The following HS6ST3 variants were observed in gnomAD, a reference collection of about 807,000 sequenced individuals.
HS6ST3 encodes the protein heparan sulfate 6-O-sulfotransferase 3.
In HS6ST3, 12 loss-of-function variants were observed where a neutral mutation model predicts 36.7. That is an observed-to-expected ratio of 0.33 (90% confidence interval 0.21 to 0.53). The LOEUF (loss-of-function observed/expected upper bound fraction) is 0.53, where lower values mean the gene tolerates loss of function less well. Ranked by LOEUF, HS6ST3 falls within the 20% of genes least tolerant of loss-of-function variation. The pLI is 0.95. For missense variants in HS6ST3, 584 were observed against 640.9 expected, an observed-to-expected ratio of 0.91 and a Z score of 0.96; for synonymous variants, 240 against 257.5, an observed-to-expected ratio of 0.93 and a Z score of 0.65.
intron 1 of HS6ST3, among the ~76,000 whole-genome samples, chr13:96,359,264 A>G (rs2055225489): frequency 6.6e-6 from 1 of 152,114 alleles, no homozygotes; most frequent in Admixed American, 6.5e-5. Flanking sequence ...AGCTATGATC[A>G]CTTTTTTCAT....
At chr13:96,751,062 T>G (rs939943423) in intron 1 of HS6ST3, among the ~76,000 whole-genome samples, 3 of 152,098 alleles carry the variant, frequency 2.0e-5, no homozygotes, top group Non-Finnish European at 4.4e-5. Context: ...GAATCACACT[T>G]TTTTTTACCC....
chr13:96,788,733 A>T (rs961793459), intron 1 of HS6ST3, among the ~76,000 whole-genome samples: 6 of 151,872 alleles, frequency 4.0e-5, no homozygotes, highest in Non-Finnish European at 7.4e-5. Context: ...ATTTAGGATT[A>T]TTATGAGTCC....
At chr13:96,673,624 C>T (rs2056689427) in intron 1 of HS6ST3, among the ~76,000 whole-genome samples, 1 of 152,044 alleles carries the variant, frequency 6.6e-6, no homozygotes, top group Non-Finnish European at 1.5e-5. Flanking sequence ...AGTCAGTTGT[C>T]GTTTTTCCTG....
At chr13:96,746,006 A>T (rs532292986) in intron 1 of HS6ST3, among the ~76,000 whole-genome samples, 36 of 151,854 alleles carry the variant, frequency 2.4e-4, no homozygotes, top group African/African-American at 6.3e-4. Context: ...GTCTAGTTTT[A>T]AAAAAAAGGA....
chr13:96,577,855 G>T (rs922857769), intron 1 of HS6ST3, among the ~76,000 whole-genome samples: 1 of 152,210 alleles, frequency 6.6e-6, no homozygotes, highest in Non-Finnish European at 1.5e-5. Context: ...ATGCTGGAGA[G>T]GATGTGGAGA....
chr13:96,444,370 G>C (rs572600104), intron 1 of HS6ST3, among the ~76,000 whole-genome samples: 71 of 152,082 alleles, frequency 4.7e-4, no homozygotes, highest in Non-Finnish European at 9.1e-4. Context: ...TGGGTATTTT[G>C]GAATGGACCC....
At position 96,099,823 on chromosome 13, in the gene HS6ST3, A is replaced by G. The variant is rs1370123878; in HGVS notation, c.707+8254A>G. 3.3e-5 allele frequency among the ~76,000 whole-genome samples: 5 copies of G among 152,226 alleles called. No individual in the cohort carries two copies. The East Asian group carries it at 9.6e-4, about 29-fold the overall frequency. On this transcript the variant is annotated intron_variant, in intron 1 of 1. Transcript: ENST00000376705. ...AATAATTAAAGGTTCTGGATATTTA[A>G]GCGTAAACCTGAGAGATGGCATCTG...
intron 1 of HS6ST3, among the ~76,000 whole-genome samples, chr13:96,210,451 C>T (rs1289608352): frequency 6.6e-6 from 1 of 152,194 alleles, no homozygotes; most frequent in Non-Finnish European, 1.5e-5. Flanking sequence ...GGGTATTCAG[C>T]AATCTCCTGC....
intron 1 of HS6ST3, among the ~76,000 whole-genome samples, chr13:96,168,860 C>A (rs910405319): frequency 2.6e-5 from 4 of 152,100 alleles, no homozygotes; most frequent in African/African-American, 9.7e-5. Flanking sequence ...GCTTCTACTG[C>A]ACCCATCACC....
At chr13:96,413,726 G>T (rs1033774855) in intron 1 of HS6ST3, among the ~76,000 whole-genome samples, 1 of 152,142 alleles carries the variant, frequency 6.6e-6, no homozygotes, top group Admixed American at 6.5e-5. Context: ...TCGTGAAAAT[G>T]ATTATGATTT....
At chr13:96,802,721 C>T (rs891894653) in intron 1 of HS6ST3, among the ~76,000 whole-genome samples, 2 of 152,120 alleles carry the variant, frequency 1.3e-5, no homozygotes, top group African/African-American at 4.8e-5. Context: ...TGATCGTAAC[C>T]AACAAGTTGA....
At position 96,646,616 on chromosome 13, in the gene HS6ST3, A is replaced by G. The variant is rs1300605066; in HGVS notation, c.708-185874A>G. On this transcript the variant is annotated intron_variant, in intron 1 of 1. Coordinates refer to ENST00000376705, the MANE Select transcript of HS6ST3 (RefSeq NM_153456.4). The stretch of plus-strand genomic sequence containing the variant: ...AGGTGAATCTGAAAGTGATAAGTGC[A>G]TGGTAGGTGGGAGCTGTAAAAGCAC... 2.0e-5 allele frequency among the ~76,000 whole-genome samples: 3 copies of G among 152,142 alleles called. No individual in the cohort carries two copies. The East Asian group carries it at 5.8e-4, about 29-fold the overall frequency.
At chr13:96,463,101 G>C (rs1456120033) in intron 1 of HS6ST3, among the ~76,000 whole-genome samples, 2 of 152,154 alleles carry the variant, frequency 1.3e-5, no homozygotes, top group African/African-American at 4.8e-5. Context: ...TAACCTTAAT[G>C]GAGTTGTGTG....
chr13:96,524,820 G>T (rs997630989), intron 1 of HS6ST3, among the ~76,000 whole-genome samples: 2 of 152,200 alleles, frequency 1.3e-5, no homozygotes, highest in Admixed American at 6.5e-5. Flanking sequence ...CCCAGATGAG[G>T]CAACGCTCTG....
intron 1 of HS6ST3, among the ~76,000 whole-genome samples, chr13:96,552,833 G>A (rs144575693): frequency 1.1e-3 from 171 of 152,286 alleles, no homozygotes; most frequent in Admixed American, 2.5e-3. Flanking sequence ...AAGTTCAGAG[G>A]ACAGGGGGAA....
At chr13:96,621,893 C>G (rs1041359424) in intron 1 of HS6ST3, among the ~76,000 whole-genome samples, 2 of 152,044 alleles carry the variant, frequency 1.3e-5, no homozygotes, top group Admixed American at 6.6e-5. Context: ...TCTCACCAAA[C>G]AAAGGAAAAG....
chr13:96,806,910 C>T (rs1313909722), intron 1 of HS6ST3, among the ~76,000 whole-genome samples: 1 of 152,138 alleles, frequency 6.6e-6, no homozygotes, highest in Non-Finnish European at 1.5e-5. Context: ...CCTGTTAGAT[C>T]TCCTCTTTTA....
rs141726918 is a variant in HS6ST3, at chr13:96,203,789, G to A, written c.707+112220G>A. ...GGTTCAAAGTGGGTTCAAATTTAAA[G>A]TATCAGGAAAATACAGAAAAGTAAG... On this transcript the variant is annotated intron_variant, in intron 1 of 1. Coordinates refer to ENST00000376705, the MANE Select transcript of HS6ST3 (RefSeq NM_153456.4). Among the ~76,000 whole-genome samples the A allele has an allele frequency of 2.0e-5, 3 of 152,254 alleles. No homozygotes were observed. In the East Asian group the frequency reaches 5.8e-4, roughly 29 times the overall value.
chr13:96,263,415 A>G (rs1446414821), intron 1 of HS6ST3, among the ~76,000 whole-genome samples: 1 of 152,218 alleles, frequency 6.6e-6, no homozygotes, highest in African/African-American at 2.4e-5. Context: ...ACTTTCACAG[A>G]AGAAGGGAAA....
Sources: allele counts gnomAD v4.1 joint callset (sites outside exome capture counted in the v4.1 genomes callset), GRCh38; gene constraint gnomAD v4.1.1; transcripts MANE v1.5; gene names NCBI Gene and HGNC (gene_info 2026-07-23, HGNC 2026-07-21).